DYNC2H1: variants seen among roughly 807,000 people sequenced by gnomAD.
The protein encoded by DYNC2H1 is dynein cytoplasmic 2 heavy chain 1, also known as cytoplasmic dynein 2 heavy chain 1.
Under a neutral mutation model 570.0 loss-of-function variants are expected in DYNC2H1, and 410 were observed. The ratio of observed to expected loss-of-function variants is 0.72; its 90% CI spans 0.66 to 0.78. The LOEUF is 0.78. Among genes scored for constraint, DYNC2H1 ranks in the 30% least tolerant of loss-of-function variants. DYNC2H1 has a pLI of 0.00. For missense variants in DYNC2H1, 4,865 were observed against 5,046.4 expected, an observed-to-expected ratio of 0.96 and a Z score of 1.09; for synonymous variants, 1,688 against 1,677.6, an observed-to-expected ratio of 1.01 and a Z score of -0.15.
intron 57 of DYNC2H1, among the ~76,000 whole-genome samples, chr11:103,221,120 A>T (rs1469663713): frequency 1.3e-5 from 2 of 152,176 alleles, no homozygotes; most frequent in Non-Finnish European, 2.9e-5. Context: ...AAATATAGTC[A>T]CTATCCTTAA....
rs12573859 is a variant in DYNC2H1 at position 103,266,697 on chromosome 11, C to A, written c.10695+6720C>A. 4.6e-5 allele frequency among the ~76,000 whole-genome samples: 7 copies of A among 152,124 alleles called. 1 individual carries two copies. The South Asian group carries it at 1.4e-3, about 31-fold the overall frequency. ...GGGAAGCTGGAGTGTGGGGAGGGAGCGCATGGGCTGGTGCACAGCTATGGA... is the reference window on the plus strand; with the variant it reads ...GGGAAGCTGGAGTGTGGGGAGGGAGAGCATGGGCTGGTGCACAGCTATGGA... On this transcript the variant is annotated intron_variant, in intron 70 of 88. Transcript: ENST00000375735.
At chr11:103,235,960 C>A in intron 62 of DYNC2H1, 147 bp downstream of exon 62, 1 of 982,838 alleles carries the variant, frequency 1.0e-6, no homozygotes, top group Non-Finnish European at 1.4e-6. Flanking sequence ...CCAAGGATAC[C>A]CTAGCTACTT....
chr11:103,234,403 G>A (rs905747145), intron 61 of DYNC2H1, among the ~76,000 whole-genome samples: 13 of 151,918 alleles, frequency 8.6e-5, no homozygotes, highest in Middle Eastern at 3.2e-3. Context: ...AGATGAGCAG[G>A]ATGAAAATGG....
At chr11:103,374,112 T>C (rs1368520071) in intron 83 of DYNC2H1, among the ~76,000 whole-genome samples, 2 of 152,202 alleles carry the variant, frequency 1.3e-5, no homozygotes, top group Admixed American at 1.3e-4. Context: ...GTTTATCGAT[T>C]CAGCCACACT....
intron 70 of DYNC2H1, among the ~76,000 whole-genome samples, chr11:103,260,650 C>T (rs1173701906): frequency 1.4e-5 from 2 of 145,520 alleles, no homozygotes; most frequent in Admixed American, 1.4e-4. Context: ...GACAGAGTCT[C>T]TCTCTGTTGC....
chr11:103,207,338 G>T (rs75836251), intron 52 of DYNC2H1, among the ~76,000 whole-genome samples: 3,845 of 151,216 alleles, frequency 0.025, 174 homozygotes, highest in African/African-American at 0.089. Flanking sequence ...GGGAAAAATT[G>T]CTAGAATAAT....
chr11:103,404,473 T>C (rs182353444), intron 84 of DYNC2H1: 1 of 150,124 alleles, frequency 6.7e-6, no homozygotes, highest in African/African-American at 2.5e-5. Flanking sequence ...GCTAGTGAGA[T>C]AAGTGAGCCT....
In DYNC2H1 at chr11:103,307,703, A is replaced by T; in HGVS notation, c.11383-18A>T. ...ATATATATTTAAGTAAATTTTTGTCATTGGTTTTGTAAACAAGGAATTGAA... is the reference window on the plus strand; with the variant it reads ...ATATATATTTAAGTAAATTTTTGTCTTTGGTTTTGTAAACAAGGAATTGAA... On this transcript the variant is annotated intron_variant, in intron 77 of 88. Transcript: ENST00000375735. The T allele has an allele frequency of 7.0e-7, 1 of 1,433,320 alleles. No individual in the cohort carries two copies. The highest frequency in any genetic ancestry group is 9.5e-7 in the Non-Finnish European group (1 of 1,055,186). The allele number at this position is 1,433,320 out of a possible 1,614,324, so 88.8% of individuals were successfully genotyped here.
In DYNC2H1 at chr11:103,186,180, A is replaced by G; in HGVS notation, c.6634-62A>G. ...TACTTTTGGGATATTTACTTGGAAG[A>G]ATTTTAAAATGTCACACACTCTGGA... is the stretch of plus-strand genomic sequence containing the variant. On this transcript the variant is annotated intron_variant, in intron 41 of 88. Coordinates refer to ENST00000375735, the MANE Select transcript of DYNC2H1 (RefSeq NM_001377.3). The surrounding 1 kb of genome is among the most constrained non-coding windows in gnomAD (Gnocchi z 4.5). The G allele has an allele frequency of 6.7e-7, 1 of 1,481,518 alleles. No individual in the cohort carries two copies. Among genetic ancestry groups the G allele is most frequent in the Non-Finnish European group, 9.0e-7 (1 of 1,105,902 alleles). The allele number at this position is 1,481,518 out of a possible 1,614,324, so 91.8% of individuals were successfully genotyped here. A position where few individuals can be genotyped will look rare whatever the true frequency, so the allele number is the denominator to read the frequency against.
chr11:103,176,848 G>A (rs1011225536), intron 37 of DYNC2H1, among the ~76,000 whole-genome samples: 1 of 152,032 alleles, frequency 6.6e-6, no homozygotes, highest in Non-Finnish European at 1.5e-5. Flanking sequence ...TGGGATTACA[G>A]GTGCACACCA....
intron 81 of DYNC2H1, among the ~76,000 whole-genome samples, chr11:103,322,940 G>T (rs981829899): frequency 9.2e-5 from 14 of 152,148 alleles, no homozygotes; most frequent in Admixed American, 6.5e-4. Context: ...TAAGCTAAAG[G>T]ATTGGAAGAA....
chr11:103,245,225 A>G lies in DYNC2H1; in HGVS notation c.9919-26A>G, dbSNP rs781400636. ...AAATATTAAAGTAATTAAATAATTA[A>G]TACGTATTCTTTTTTATTCAATTAG... On this transcript the variant is annotated intron_variant, in intron 64 of 88. Coordinates refer to ENST00000375735, the MANE Select transcript of DYNC2H1 (RefSeq NM_001377.3). This position sits in a 1 kb window ranked among gnomAD's most constrained non-coding sequence, Gnocchi z 4.5. 2.6e-5 allele frequency: 38 copies of G among 1,455,130 alleles called. 1 individual carries two copies. The highest frequency in any genetic ancestry group is 3.4e-5 in the Non-Finnish European group (37 of 1,080,018). The allele number at this position is 1,455,130 out of a possible 1,614,324, so 90.1% of individuals were successfully genotyped here.
At chr11:103,233,933 T>G (rs1015723812) in intron 60 of DYNC2H1, 101 bp from the exon 61 acceptor site, 1 of 1,148,118 alleles carries the variant, frequency 8.7e-7, no homozygotes, top group Non-Finnish European at 1.2e-6. Context: ...AGTATTATCA[T>G]TAAATTATGG....
Position 103,163,133 on chromosome 11 carries a change from C to A in DYNC2H1, c.4597C>A (p.Leu1533Met), listed in dbSNP as rs184788922. The A allele has an allele frequency of 1.3e-4, 213 of 1,611,700 alleles. 1 individual carries two copies. The East Asian group carries it at 4.7e-3, about 36-fold the overall frequency. The change falls in exon 30 of 89, where the codon CTG becomes ATG. Residue 1533 changes from leucine to methionine, a missense_variant. Around this residue, in one of 5 missense-constraint regions of DYNC2H1, gnomAD observed 1,936 missense variants for 1,962.1 expected, o/e 0.99. Coordinates refer to ENST00000375735, the MANE Select transcript of DYNC2H1 (RefSeq NM_001377.3). This position sits in a 1 kb window ranked among gnomAD's most constrained non-coding sequence, Gnocchi z 4.6. Reference sequence around the variant, plus strand: ...TTCTCAAGGTGCAGTTGACCCATCTCTGTTCCCTTCACAGGTAAGGGGGCT... The same window carrying A: ...TTCTCAAGGTGCAGTTGACCCATCTATGTTCCCTTCACAGGTAAGGGGGCT... ...RSSQGAVDPS[L>M]FPSQILCLAE...
intron 87 of DYNC2H1, among the ~76,000 whole-genome samples, chr11:103,464,716 T>A (rs2135836849): frequency 6.6e-6 from 1 of 152,220 alleles, no homozygotes; most frequent in Middle Eastern, 3.4e-3. Flanking sequence ...CCATCTAAAA[T>A]AATTCAATAA....
At chr11:103,391,642 T>C (rs12295066) in intron 83 of DYNC2H1, among the ~76,000 whole-genome samples, 5,398 of 152,306 alleles carry the variant, frequency 0.035, 315 homozygotes, top group African/African-American at 0.12. Context: ...CTACCTTTGG[T>C]CTTTGATGAT....
intron 60 of DYNC2H1, among the ~76,000 whole-genome samples, chr11:103,233,514 G>A (rs1306747241): frequency 6.6e-6 from 1 of 151,822 alleles, no homozygotes; most frequent in Non-Finnish European, 1.5e-5. Flanking sequence ...AATTTTATTT[G>A]TATTTTTAGT....
At chr11:103,282,897 T>C (rs1056319786) in intron 72 of DYNC2H1, 111 bp from the exon 73 acceptor site, 9 of 737,154 alleles carry the variant, frequency 1.2e-5, no homozygotes, top group Admixed American at 6.1e-5. Context: ...TATAAAGAAA[T>C]AATGCATAGA....
In DYNC2H1 at chr11:103,205,630, T is replaced by C. The variant is rs1282296307; in HGVS notation, c.8454+666T>C. 6.6e-6 allele frequency among the ~76,000 whole-genome samples: 1 copy of C among 152,144 alleles called. No homozygotes were observed. Among genetic ancestry groups the C allele is most frequent in the Non-Finnish European group, 1.5e-5 (1 of 68,028 alleles). Reference sequence around the variant, plus strand: ...AGAGGCATTCATTAAGAAGTAATTATTGGGTGCTTAGTAAGTACCACTGTT... The same window carrying C: ...AGAGGCATTCATTAAGAAGTAATTACTGGGTGCTTAGTAAGTACCACTGTT... On this transcript the variant is annotated intron_variant, in intron 52 of 88. Coordinates refer to ENST00000375735, the MANE Select transcript of DYNC2H1 (RefSeq NM_001377.3). This position sits in a 1 kb window ranked among gnomAD's most constrained non-coding sequence, Gnocchi z 4.5.
Sources: gnomAD v4.1 joint callset for allele counts (sites outside exome capture counted in the v4.1 genomes callset) on GRCh38, gnomAD v4.1.1 for gene constraint, gnomAD v4.1.1 regional missense constraint, Gnocchi (gnomAD v3.1) non-coding constraint, MANE v1.5 for transcripts, NCBI Gene and HGNC (gene_info 2026-07-23, HGNC 2026-07-21) for gene names.